Variants in GPC5 observed in about 807,000 individuals in gnomAD.
The protein encoded by GPC5 is glypican 5.
A neutral mutation model predicts 53.9 loss-of-function variants in GPC5; 47 were observed. The ratio of observed to expected loss-of-function variants is 0.87; its 90% CI spans 0.69 to 1.11. The LOEUF is 1.11. GPC5 is among the 50% of genes most tolerant of loss of function. The pLI is 0.00. For synonymous variants in GPC5, 286 were observed against 263.3 expected (o/e 1.09, Z -0.84); for missense variants, 748 against 713.1 (o/e 1.05, Z -0.56).
chr13:91,755,317 A>G (rs1021837999), intron 4 of GPC5, among the ~76,000 whole-genome samples: 1 of 152,068 alleles, frequency 6.6e-6, no homozygotes, highest in Non-Finnish European at 1.5e-5. Flanking sequence ...CATAATTGCT[A>G]CATTTTAACT....
At chr13:92,839,532 T>A (rs1878347226) in intron 7 of GPC5, among the ~76,000 whole-genome samples, 1 of 148,824 alleles carries the variant, frequency 6.7e-6, no homozygotes. Flanking sequence ...TAGCTCCCAC[T>A]TATAAGTGAA....
chr13:92,343,672 A>C (rs2043385829), intron 7 of GPC5, among the ~76,000 whole-genome samples: 1 of 152,058 alleles, frequency 6.6e-6, no homozygotes, highest in Non-Finnish European at 1.5e-5. Context: ...AATTTTCAAT[A>C]ATTTTTTCTA....
chr13:92,040,892 C>T (rs1287917855), intron 6 of GPC5, among the ~76,000 whole-genome samples: 2 of 152,028 alleles, frequency 1.3e-5, no homozygotes, highest in Non-Finnish European at 1.5e-5. Flanking sequence ...CTTTTGTTAC[C>T]CAGGCTGCCG....
chr13:92,677,623 G>A lies in GPC5; in HGVS notation c.1562-188659G>A, dbSNP rs1162347941. ...AGACTGAAGCTCCATATTAAAAGCAGGAGAAGGATAGAGAGGCATCCCACA... is the reference window on the plus strand; with the variant it reads ...AGACTGAAGCTCCATATTAAAAGCAAGAGAAGGATAGAGAGGCATCCCACA... On this transcript the variant is annotated intron_variant, in intron 7 of 7. Transcript: ENST00000377067. Among the ~76,000 whole-genome samples the A allele has an allele frequency of 2.0e-5, 3 of 152,292 alleles. No individual in the cohort carries two copies. The East Asian group carries it at 5.8e-4, about 29-fold the overall frequency.
At chr13:92,204,438 A>G (rs527946885) in intron 7 of GPC5, among the ~76,000 whole-genome samples, 1 of 152,202 alleles carries the variant, frequency 6.6e-6, no homozygotes, top group Non-Finnish European at 1.5e-5. Context: ...CCAAACTCCA[A>G]AGTTTGATGG....
chr13:92,263,341 A>G lies in GPC5; in HGVS notation c.1561+118352A>G, dbSNP rs538108119. Among the ~76,000 whole-genome samples the G allele has an allele frequency of 1.9e-4, 29 of 152,300 alleles. No homozygotes were observed. The South Asian group carries it at 5.8e-3, about 30-fold the overall frequency. On this transcript the variant is annotated intron_variant, in intron 7 of 7. Transcript: ENST00000377067. ...ACAGACGCATTCTTGAGTTGAAGCA[A>G]CACACTTCATACTCCCATTGCAAAC...
Position 92,059,305 on chromosome 13 carries a change from C to T in GPC5, c.1402-85525C>T, listed in dbSNP as rs147504082. On this transcript the variant is annotated intron_variant, in intron 6 of 7. Transcript: ENST00000377067. ...TAACAAAATTTCTCAAACAAATTTG[C>T]ACAAATAAACAAAAAGATTCAGAGT... 9.9e-5 allele frequency among the ~76,000 whole-genome samples: 15 copies of T among 151,198 alleles called. No homozygotes were observed. The East Asian group carries it at 2.9e-3, about 29-fold the overall frequency.
At chr13:92,181,972 G>C (rs1225510647) in intron 7 of GPC5, among the ~76,000 whole-genome samples, 1 of 152,206 alleles carries the variant, frequency 6.6e-6, no homozygotes, top group Non-Finnish European at 1.5e-5. Context: ...CAGAAAAAAA[G>C]ATGTCAGGGT....
intron 2 of GPC5, among the ~76,000 whole-genome samples, chr13:91,541,651 C>A (rs1385022844): frequency 6.6e-6 from 1 of 151,808 alleles, no homozygotes; most frequent in Non-Finnish European, 1.5e-5. Flanking sequence ...AAAAAAAGAA[C>A]AAATCTCACA....
At chr13:91,762,198 C>A (rs966277265) in intron 5 of GPC5, among the ~76,000 whole-genome samples, 1 of 152,106 alleles carries the variant, frequency 6.6e-6, no homozygotes, top group East Asian at 1.9e-4. Context: ...TTTTTAAAAT[C>A]AGATAAAATA....
At chr13:91,932,077 T>A (rs1365915966) in intron 6 of GPC5, among the ~76,000 whole-genome samples, 1 of 152,072 alleles carries the variant, frequency 6.6e-6, no homozygotes, top group Non-Finnish European at 1.5e-5. Context: ...AAGGGATGAT[T>A]TCCTCATGCT....
At chr13:92,569,019 T>G (rs1475490512) in intron 7 of GPC5, among the ~76,000 whole-genome samples, 1 of 151,358 alleles carries the variant, frequency 6.6e-6, no homozygotes, top group Non-Finnish European at 1.5e-5. Context: ...GCTGGTGTGC[T>G]GCACCCATTA....
At chr13:92,816,742 G>A (rs965099577) in intron 7 of GPC5, among the ~76,000 whole-genome samples, 2 of 151,948 alleles carry the variant, frequency 1.3e-5, no homozygotes, top group African/African-American at 4.8e-5. Context: ...CAGGCTTTCT[G>A]AGGGACAGAA....
At chr13:92,035,090 C>T (rs1301421115) in intron 6 of GPC5, among the ~76,000 whole-genome samples, 1 of 151,884 alleles carries the variant, frequency 6.6e-6, no homozygotes, top group Non-Finnish European at 1.5e-5. Context: ...TGGCAGGCGC[C>T]TGTTGTCCCA....
At chr13:91,784,546 A>G (rs12873901) in intron 5 of GPC5, among the ~76,000 whole-genome samples, 2 of 152,074 alleles carry the variant, frequency 1.3e-5, no homozygotes, top group African/African-American at 2.4e-5. Context: ...CCAAGATGGA[A>G]AAACCTGGTC....
At chr13:92,635,443 G>A (rs997307325) in intron 7 of GPC5, among the ~76,000 whole-genome samples, 1 of 152,156 alleles carries the variant, frequency 6.6e-6, no homozygotes, top group African/African-American at 2.4e-5. Flanking sequence ...GGCAGGAAGT[G>A]GAAGGTAGAA....
At chr13:92,469,131 A>G (rs1480719568) in intron 7 of GPC5, among the ~76,000 whole-genome samples, 2 of 152,180 alleles carry the variant, frequency 1.3e-5, no homozygotes, top group Non-Finnish European at 2.9e-5. Flanking sequence ...AGCAGTTGTT[A>G]CTAATTTTGT....
intron 7 of GPC5, among the ~76,000 whole-genome samples, chr13:92,293,388 G>T (rs2043011182): frequency 7.4e-6 from 1 of 134,584 alleles, no homozygotes; most frequent in Non-Finnish European, 1.6e-5. Flanking sequence ...CACCTCTTTG[G>T]TTAGGTATAC....
chr13:92,842,964 A>T (rs1241407219), intron 7 of GPC5, among the ~76,000 whole-genome samples: 1 of 152,198 alleles, frequency 6.6e-6, no homozygotes. Context: ...ATGAAACGAC[A>T]TAGATCCACT....
Sources: allele counts gnomAD v4.1 joint callset (sites outside exome capture counted in the v4.1 genomes callset), GRCh38; gene constraint gnomAD v4.1.1; transcripts MANE v1.5; gene names NCBI Gene and HGNC (gene_info 2026-07-23, HGNC 2026-07-21).